The following GRIK1 variants were observed in gnomAD, a reference collection of about 807,000 sequenced individuals.
GRIK1 encodes glutamate ionotropic receptor kainate type subunit 1.
GRIK1 carries 69 observed loss-of-function variants against 105.7 expected under a neutral mutation model. The observed-to-expected ratio is 0.65, with a 90% confidence interval of 0.54 to 0.80. GRIK1 has a LOEUF of 0.80. Ranked by LOEUF, GRIK1 falls within the 30% of genes least tolerant of loss-of-function variation. The pLI is 0.00. For missense variants in GRIK1, 1,109 were observed against 1,167.3 expected (o/e 0.95, Z 0.73); for synonymous variants, 438 against 431.3 (o/e 1.02, Z -0.19).
chr21:29,671,678 A>G (rs939791076), intron 4 of GRIK1, among the ~76,000 whole-genome samples: 1 of 152,178 alleles, frequency 6.6e-6, no homozygotes, highest in Non-Finnish European at 1.5e-5. Context: ...AATCAACAAC[A>G]TAGCAACCCC....
At chr21:29,644,742 T>C (rs1256457773) in intron 6 of GRIK1, among the ~76,000 whole-genome samples, 1 of 152,226 alleles carries the variant, frequency 6.6e-6, no homozygotes, top group Non-Finnish European at 1.5e-5. Flanking sequence ...TCTTTACCAC[T>C]TTGCTGTACT....
intron 1 of GRIK1, among the ~76,000 whole-genome samples, chr21:29,800,799 T>C (rs1288664175): frequency 6.6e-6 from 1 of 152,050 alleles, no homozygotes; most frequent in Non-Finnish European, 1.5e-5. Context: ...CACACAAGTA[T>C]GAACAAAAAA....
intron 1 of GRIK1, among the ~76,000 whole-genome samples, chr21:29,906,487 A>G (rs2070644626): frequency 6.6e-6 from 1 of 152,192 alleles, no homozygotes; most frequent in South Asian, 2.1e-4. Context: ...ATTGTTTTTT[A>G]AGGTAGATTG....
chr21:29,796,205 C>T lies in GRIK1; in HGVS notation c.119-102142G>A, dbSNP rs185571274. ...TGAATTATATCTCATTCTTAGTGGG[C>T]TAAATAATGTGGAAGAAATTAATGC... On this transcript the variant is annotated intron_variant, in intron 1 of 17. Coordinates refer to ENST00000327783, the MANE Select transcript of GRIK1 (RefSeq NM_001330994.2). Among the ~76,000 whole-genome samples the T allele has an allele frequency of 3.1e-3, 472 of 152,176 alleles. 4 individuals are homozygous for T. Among genetic ancestry groups the T allele is most frequent in the Non-Finnish European group, 2.7e-3 (183 of 68,020 alleles).
intron 1 of GRIK1, among the ~76,000 whole-genome samples, chr21:29,702,299 AG>A (rs2063827097): frequency 6.6e-6 from 1 of 152,088 alleles, no homozygotes; most frequent in Admixed American, 6.5e-5. Flanking sequence ...TTAAAATGGA[AG>A]TTTTTTTTAA....
intron 1 of GRIK1, among the ~76,000 whole-genome samples, chr21:29,844,377 C>T (rs527499206): frequency 5.3e-5 from 8 of 152,142 alleles, no homozygotes; most frequent in Non-Finnish European, 1.0e-4. Context: ...GGTCTACATA[C>T]GCCAGTAAAG....
At chr21:29,739,936 T>C (rs1318374596) in intron 1 of GRIK1, among the ~76,000 whole-genome samples, 2 of 152,256 alleles carry the variant, frequency 1.3e-5, no homozygotes, top group Non-Finnish European at 2.9e-5. Flanking sequence ...AGATGTTTTA[T>C]AGATAACTGT....
At chr21:29,924,568 T>C (rs456064) in intron 1 of GRIK1, among the ~76,000 whole-genome samples, 35,138 of 152,058 alleles carry the variant, frequency 0.23, 4,449 homozygotes, top group African/African-American at 0.33. Flanking sequence ...ATGAGGTCAA[T>C]GTGCAATTCC....
In GRIK1 at chr21:29,687,199, G is replaced by A. The variant is rs363543; in HGVS notation, c.544+2529C>T. The stretch of plus-strand genomic sequence containing the variant: ...TGGGAGTAATGGGCCATTTGGTCCC[G>A]CGACATCTGTGTTGGCTTCAGGCTA... On this transcript the variant is annotated intron_variant, in intron 3 of 17. Coordinates refer to ENST00000327783, the MANE Select transcript of GRIK1 (RefSeq NM_001330994.2). Among the ~76,000 whole-genome samples the A allele has an allele frequency of 8.5e-3, 1,291 of 152,226 alleles. 19 individuals are homozygous for A. Among genetic ancestry groups the A allele is most frequent in the African/African-American group, 0.029 (1,220 of 41,524 alleles).
chr21:29,712,768 A>G (rs2064088411), intron 1 of GRIK1, among the ~76,000 whole-genome samples: 1 of 152,176 alleles, frequency 6.6e-6, no homozygotes, highest in Admixed American at 6.5e-5. Context: ...CTATCTTCCA[A>G]TTACAGTTGC....
At chr21:29,580,081 ATG>A (rs1224190624) in intron 13 of GRIK1, among the ~76,000 whole-genome samples, 35 of 145,288 alleles carry the variant, frequency 2.4e-4, no homozygotes, top group East Asian at 5.9e-4. Context: ...ATATATGTAT[ATG>A]TGTGTGTATA....
intron 1 of GRIK1, among the ~76,000 whole-genome samples, chr21:29,721,026 T>G (rs964458566): frequency 2.0e-5 from 3 of 151,758 alleles, no homozygotes; most frequent in African/African-American, 7.2e-5. Context: ...CTATCACCTA[T>G]TCTTCCGAGG....
chr21:29,560,400 C>CCTTTCTTTCTTTCTTTCTTT lies in GRIK1; in HGVS notation c.2356+1204_2356+1223dup, dbSNP rs1167564962. Among the ~76,000 whole-genome samples the CCTTTCTTTCTTTCTTTCTTT allele has an allele frequency of 1.2e-3, 78 of 67,120 alleles. 7 individuals are homozygous for CCTTTCTTTCTTTCTTTCTTT. The highest frequency in any genetic ancestry group is 4.0e-3 in the African/African-American group (43 of 10,780). 44.0% of individuals were successfully genotyped at this position (67,120 alleles called of 152,430 possible). On this transcript the variant is annotated intron_variant, in intron 15 of 17. Transcript: ENST00000327783. ...TCCTTCCTTCCTTCCTTCCTTCCTTCCTTTCTTTCTTTCTTTCTTTCTTTC... is the reference window on the plus strand; with the variant it reads ...TCCTTCCTTCCTTCCTTCCTTCCTTCCTTTCTTTCTTTCTTTCTTTCTTTCTTTCTTTCTTTCTTTCTTTC...
intron 1 of GRIK1, among the ~76,000 whole-genome samples, chr21:29,857,244 G>A (rs1204996590): frequency 1.3e-5 from 2 of 152,180 alleles, no homozygotes; most frequent in Non-Finnish European, 2.9e-5. Flanking sequence ...GCATGAAATA[G>A]TGCGATAGAA....
At chr21:29,801,082 G>A (rs2066695239) in intron 1 of GRIK1, among the ~76,000 whole-genome samples, 1 of 152,000 alleles carries the variant, frequency 6.6e-6, no homozygotes, top group African/African-American at 2.4e-5. Context: ...AGACAGACTG[G>A]TGTTGAGTAC....
chr21:29,714,219 C>G (rs981540835), intron 1 of GRIK1, among the ~76,000 whole-genome samples: 17 of 151,416 alleles, frequency 1.1e-4, no homozygotes, highest in African/African-American at 4.1e-4. Context: ...GTACAGTTTG[C>G]TCTTTACACA....
At chr21:29,736,137 G>C (rs192398109) in intron 1 of GRIK1, among the ~76,000 whole-genome samples, 1 of 152,118 alleles carries the variant, frequency 6.6e-6, no homozygotes, top group Non-Finnish European at 1.5e-5. Context: ...TGTGAAGCAG[G>C]CATTGTAGTA....
At chr21:29,925,333 G>A (rs942271881) in intron 1 of GRIK1, among the ~76,000 whole-genome samples, 1 of 151,952 alleles carries the variant, frequency 6.6e-6, no homozygotes, top group Admixed American at 6.6e-5. Context: ...CAATTTTCTC[G>A]TCCACTTTTG....
intron 7 of GRIK1, among the ~76,000 whole-genome samples, chr21:29,636,617 A>G (rs868511774): frequency 3.3e-5 from 5 of 152,204 alleles, no homozygotes; most frequent in Non-Finnish European, 5.9e-5. Context: ...TTAGGGGAAA[A>G]GTTAGGGTTG....
Sources: gnomAD v4.1 joint callset for allele counts (sites outside exome capture counted in the v4.1 genomes callset) on GRCh38, gnomAD v4.1.1 for gene constraint, MANE v1.5 for transcripts, NCBI Gene and HGNC (gene_info 2026-07-23, HGNC 2026-07-21) for gene names.